Variants in WWTR1 observed in about 807,000 individuals in gnomAD.
WWTR1 encodes WW domain containing transcription regulator 1, also known as WW domain-containing transcription regulator protein 1.
In WWTR1, 13 loss-of-function variants were observed where a neutral mutation model predicts 40.1. The ratio of observed to expected loss-of-function variants is 0.32; its 90% CI spans 0.21 to 0.52. The LOEUF is 0.52. Among genes scored for constraint, WWTR1 ranks in the 20% least tolerant of loss-of-function variants. WWTR1 has a pLI of 0.97. For missense variants in WWTR1, 436 were observed against 523.1 expected (o/e 0.83, Z 1.63); for synonymous variants, 230 against 210.1 (o/e 1.09, Z -0.82).
exon 5 of WWTR1, chr3:149,717,476 T>G (rs538951771): frequency 2.0e-5 from 3 of 152,290 alleles, no homozygotes; most frequent in Admixed American, 2.0e-4. Flanking sequence ...AACCACACCA[T>G]CAGGAAAGCC....
At chr3:149,616,277 C>T (rs536236946) in intron 2 of WWTR1, among the ~76,000 whole-genome samples, 5 of 152,182 alleles carry the variant, frequency 3.3e-5, no homozygotes, top group East Asian at 1.9e-4. Context: ...TGAGAATGTC[C>T]GCTTCCCACC....
chr3:149,633,049 T>C (rs1463507166), intron 2 of WWTR1, among the ~76,000 whole-genome samples: 3 of 152,206 alleles, frequency 2.0e-5, no homozygotes, highest in Non-Finnish European at 4.4e-5. Flanking sequence ...ACACTTAAAA[T>C]GAGTGAATTA....
At chr3:149,525,652 A>G (rs534857757) in intron 6 of WWTR1, 212 of 154,554 alleles carry the variant, frequency 1.4e-3, no homozygotes, top group Admixed American at 4.1e-3. Flanking sequence ...GGCAGCACCT[A>G]TACTAAAACT....
In WWTR1 at chr3:149,615,000, C is replaced by T. The variant is rs1576598322; in HGVS notation, c.431+41876G>A. 2.6e-5 allele frequency among the ~76,000 whole-genome samples: 4 copies of T among 151,942 alleles called. No homozygotes were observed. In the East Asian group the frequency reaches 7.8e-4, roughly 29 times the overall value. On this transcript the variant is annotated intron_variant, in intron 2 of 6. Coordinates refer to ENST00000360632, the MANE Select transcript of WWTR1 (RefSeq NM_015472.6). ...CTCTGTCTCAAAAAAAAAAAGATAG[C>T]TTAGGTGATGGTTACAGGGGGGTAC... is the stretch of plus-strand genomic sequence containing the variant.
intron 2 of WWTR1, among the ~76,000 whole-genome samples, chr3:149,606,797 A>G (rs2108060129): frequency 6.6e-6 from 1 of 152,370 alleles, no homozygotes; most frequent in South Asian, 2.1e-4. Context: ...AGACCTTTCA[A>G]GTTGAGACTT....
At chr3:149,678,592 G>A (rs57270566) in intron 1 of WWTR1, among the ~76,000 whole-genome samples, 6,541 of 152,132 alleles carry the variant, frequency 0.043, 287 homozygotes, top group East Asian at 0.13. Flanking sequence ...GAGGCAAGTC[G>A]CCAAGCCCTA....
intron 2 of WWTR1, among the ~76,000 whole-genome samples, chr3:149,638,542 G>C (rs1289141601): frequency 6.6e-6 from 1 of 151,966 alleles, no homozygotes; most frequent in Non-Finnish European, 1.5e-5. Flanking sequence ...TGTTAAAAAT[G>C]ACTCCTTTTC....
chr3:149,594,349 A>T (rs1272072794), intron 2 of WWTR1, among the ~76,000 whole-genome samples: 1 of 152,112 alleles, frequency 6.6e-6, no homozygotes, highest in African/African-American at 2.4e-5. Flanking sequence ...GATTTTTTTT[A>T]AATGGTGTAC....
intron 3 of WWTR1, among the ~76,000 whole-genome samples, chr3:149,556,841 G>A (rs1203417756): frequency 2.6e-5 from 4 of 151,980 alleles, no homozygotes; most frequent in African/African-American, 7.3e-5. Flanking sequence ...GTGTCAAAAG[G>A]AGCTTCCTTC....
chr3:149,604,690 G>A (rs1205889528), intron 2 of WWTR1, among the ~76,000 whole-genome samples: 1 of 152,212 alleles, frequency 6.6e-6, no homozygotes, highest in African/African-American at 2.4e-5. Flanking sequence ...GGCAGATGCA[G>A]GCCAGCCCAA....
intron 2 of WWTR1, among the ~76,000 whole-genome samples, chr3:149,617,679 A>G (rs961441055): frequency 3.3e-5 from 5 of 152,222 alleles, no homozygotes; most frequent in African/African-American, 1.2e-4. Flanking sequence ...ACATGCCTGT[A>G]GTCCCAGCTA....
chr3:149,688,390 G>A (rs1009825928), intron 1 of WWTR1, among the ~76,000 whole-genome samples: 6 of 152,210 alleles, frequency 3.9e-5, no homozygotes, highest in Admixed American at 1.3e-4. Flanking sequence ...GGCCACAAGA[G>A]TGCTTGTGTC....
Position 149,546,309 on chromosome 3 carries a change from C to G in WWTR1, c.569-3772G>C, listed in dbSNP as rs544690393. Among the ~76,000 whole-genome samples, 12 of 152,322 alleles carry G rather than the reference C, an allele frequency of 7.9e-5. No homozygotes were observed. The South Asian group carries it at 1.9e-3, about 24-fold the overall frequency. ...ACAGAGCAGTTTGTACAAGGATATT[C>G]AAAACAGTATTGTTTATAATTGCAA... is the stretch of plus-strand genomic sequence containing the variant. On this transcript the variant is annotated intron_variant, in intron 3 of 6. Transcript: ENST00000360632.
In WWTR1 at chr3:149,571,326, G is replaced by A. The variant is rs185169475; in HGVS notation, c.568+1538C>T. Among the ~76,000 whole-genome samples the A allele has an allele frequency of 3.5e-5, 5 of 142,368 alleles. No homozygotes were observed. In the Admixed American group the frequency reaches 3.8e-4, roughly 11 times the overall value. 93.4% of individuals were successfully genotyped at this position (142,368 alleles called of 152,430 possible). On this transcript the variant is annotated intron_variant, in intron 3 of 6. Coordinates refer to ENST00000360632, the MANE Select transcript of WWTR1 (RefSeq NM_015472.6). ...TTAATAATCAGTTTTTAGAATTTTC[G>A]ATGAAAATTAAATGGTTAAACAAAC...
intron 2 of WWTR1, among the ~76,000 whole-genome samples, chr3:149,630,962 G>A (rs1399588145): frequency 6.6e-6 from 1 of 152,144 alleles, no homozygotes; most frequent in Non-Finnish European, 1.5e-5. Flanking sequence ...GGACAAAAGG[G>A]GATGTCAGCC....
chr3:149,675,728 T>A (rs1172325743), intron 1 of WWTR1, among the ~76,000 whole-genome samples: 1 of 152,134 alleles, frequency 6.6e-6, no homozygotes, highest in Non-Finnish European at 1.5e-5. Flanking sequence ...TCTTTCTTTT[T>A]TTTTTTGAGA....
At chr3:149,672,158 A>C (rs1173025231) in intron 1 of WWTR1, among the ~76,000 whole-genome samples, 3 of 152,224 alleles carry the variant, frequency 2.0e-5, no homozygotes, top group Non-Finnish European at 2.9e-5. Context: ...AACAAACAAA[A>C]AAACAACCAG....
intron 1 of WWTR1, among the ~76,000 whole-genome samples, chr3:149,675,332 A>G (rs1010906337): frequency 6.6e-6 from 1 of 152,190 alleles, no homozygotes; most frequent in Non-Finnish European, 1.5e-5. Flanking sequence ...CTTTATTCAT[A>G]TTACACATAC....
intron 1 of WWTR1, among the ~76,000 whole-genome samples, chr3:149,691,766 C>T (rs1714833619): frequency 6.6e-6 from 1 of 152,146 alleles, no homozygotes; most frequent in African/African-American, 2.4e-5. Context: ...TCTGTAATCC[C>T]AGCACTTTGG....
Sources: allele counts gnomAD v4.1 joint callset (sites outside exome capture counted in the v4.1 genomes callset), GRCh38; gene constraint gnomAD v4.1.1; transcripts MANE v1.5; gene names NCBI Gene and HGNC (gene_info 2026-07-23, HGNC 2026-07-21).